Variants in CALN1 observed in about 807,000 individuals in gnomAD.
CALN1 encodes the protein calneuron 1.
Under a neutral mutation model 30.6 loss-of-function variants are expected in CALN1, and 17 were observed. The observed-to-expected ratio is 0.56, with a 90% CI of 0.38 to 0.83. The LOEUF (loss-of-function observed/expected upper bound fraction) is 0.83. CALN1 is among the 40% of genes least tolerant of loss of function. The pLI, the probability that CALN1 is intolerant of heterozygous loss-of-function variation, is 0.00. For synonymous variants in CALN1, 156 were observed against 131.4 expected (o/e 1.19, Z -1.28); for missense variants, 291 against 354.9 (o/e 0.82, Z 1.45).
chr7:72,189,447 T>C (rs372727124), intron 3 of CALN1, among the ~76,000 whole-genome samples: 31 of 152,320 alleles, frequency 2.0e-4, no homozygotes, highest in African/African-American at 6.5e-4. Context: ...GGAATAAGTG[T>C]TGGACATTAT....
intron 3 of CALN1, among the ~76,000 whole-genome samples, chr7:72,150,053 G>A (rs1787104945): frequency 6.6e-6 from 1 of 151,612 alleles, no homozygotes; most frequent in Non-Finnish European, 1.5e-5. Context: ...GAACCCAGGA[G>A]GCAAGAGGTT....
At chr7:72,446,076 C>A (rs1403868857) in intron 1 of CALN1, among the ~76,000 whole-genome samples, 1 of 152,118 alleles carries the variant, frequency 6.6e-6, no homozygotes, top group South Asian at 2.1e-4. Context: ...CCCGGGACCC[C>A]CAGAGATGAC....
intron 4 of CALN1, among the ~76,000 whole-genome samples, chr7:72,083,120 G>C (rs977395716): frequency 2.0e-5 from 3 of 152,106 alleles, no homozygotes; most frequent in African/African-American, 7.2e-5. Context: ...AGAATCGCTT[G>C]AGCCTGGGAG....
At chr7:72,115,285 G>A (rs942226479) in intron 3 of CALN1, among the ~76,000 whole-genome samples, 3 of 146,342 alleles carry the variant, frequency 2.0e-5, no homozygotes, top group African/African-American at 7.5e-5. Flanking sequence ...CTTAGATGGA[G>A]GGGTGGATAC....
chr7:72,197,178 C>CTTTTTGTTTT (rs1791079403), intron 3 of CALN1, among the ~76,000 whole-genome samples: 1 of 64,208 alleles, frequency 1.6e-5, no homozygotes, highest in Admixed American at 2.9e-4. Context: ...GGAAGGTTTG[C>CTTTTTGTTTT]TTTTTTTTTT....
At chr7:72,018,410 T>G (rs1048041363) in intron 5 of CALN1, among the ~76,000 whole-genome samples, 3 of 152,132 alleles carry the variant, frequency 2.0e-5, no homozygotes, top group African/African-American at 7.2e-5. Flanking sequence ...ATCCTAAGGC[T>G]GACTCCATAC....
chr7:71,836,998 G>A (rs988825550), intron 5 of CALN1, among the ~76,000 whole-genome samples: 1 of 151,044 alleles, frequency 6.6e-6, no homozygotes, highest in African/African-American at 2.4e-5. Flanking sequence ...TTGGGAGGCC[G>A]AGGCAGACAA....
intron 5 of CALN1, among the ~76,000 whole-genome samples, chr7:72,013,778 A>G (rs912011694): frequency 6.6e-6 from 1 of 152,072 alleles, no homozygotes; most frequent in Non-Finnish European, 1.5e-5. Context: ...TTCCATCTCT[A>G]TCTTGGCTTT....
intron 1 of CALN1, among the ~76,000 whole-genome samples, chr7:72,419,719 C>A (rs144944082): frequency 1.6e-4 from 25 of 152,268 alleles, no homozygotes; most frequent in Non-Finnish European, 3.4e-4. Context: ...GAGAAAAGAG[C>A]AACACAAGTG....
chr7:71,892,884 C>T (rs115436391), intron 5 of CALN1, among the ~76,000 whole-genome samples: 2,295 of 152,132 alleles, frequency 0.015, 62 homozygotes, highest in African/African-American at 0.053. Context: ...GTGAGAACCA[C>T]GTCATTTTTT....
Position 71,801,444 on chromosome 7 carries a change from C to G in CALN1, c.658+8892G>C, listed in dbSNP as rs1392407071. Among the ~76,000 whole-genome samples, 7 of 151,332 alleles carry G rather than the reference C, an allele frequency of 4.6e-5. No individual in the cohort carries two copies. In the South Asian group the frequency reaches 8.4e-4, roughly 18 times the overall value. ...TGTATGTATGTATCTATCTATCTAT[C>G]TATCTATCTATCTATCTATCTATCT... On this transcript the variant is annotated intron_variant, in intron 6 of 6. Transcript: ENST00000395275.
rs57152715 is a variant in CALN1, at chr7:72,073,879, G to T, written c.388+32272C>A. ...TGGCTAATTTTTTAATTGTTTTCTA[G>T]AAATGAGGTCTTACCATGTTGTCCA... On this transcript the variant is annotated intron_variant, in intron 4 of 6. Transcript: ENST00000395275. Among the ~76,000 whole-genome samples, 1,507 of 152,146 alleles carry T rather than the reference G, an allele frequency of 9.9e-3. 17 individuals carry two copies. Among genetic ancestry groups the T allele is most frequent in the African/African-American group, 0.032 (1,322 of 41,504 alleles).
intron 5 of CALN1, among the ~76,000 whole-genome samples, chr7:71,890,939 G>A (rs879443952): frequency 3.3e-5 from 5 of 151,836 alleles, no homozygotes; most frequent in African/African-American, 1.2e-4. Context: ...TAGAGACAGG[G>A]CTTTGCTATT....
chr7:72,223,110 G>A (rs2129549873), intron 3 of CALN1, among the ~76,000 whole-genome samples: 2 of 152,282 alleles, frequency 1.3e-5, no homozygotes, highest in Admixed American at 1.3e-4. Flanking sequence ...CTGGGACACA[G>A]GCAAGGGAGT....
Position 72,027,726 on chromosome 7 carries a change from AACACACACAC to A in CALN1, c.389-3967_389-3958del, listed in dbSNP as rs111705413. Reference sequence around the variant, plus strand: ...GACCCTGTCTCAAAACAAACAAACAAACACACACACACACACACACACACACACACACAAA... The same window carrying A: ...GACCCTGTCTCAAAACAAACAAACAAACACACACACACACACACACACAAA... On this transcript the variant is annotated intron_variant, in intron 4 of 6. Transcript: ENST00000395275. Among the ~76,000 whole-genome samples, 468 of 143,290 alleles carry A rather than the reference AACACACACAC, an allele frequency of 3.3e-3. 4 individuals are homozygous for A. Among genetic ancestry groups the A allele is most frequent in the African/African-American group, 9.7e-3 (382 of 39,264 alleles). 94.0% of individuals were successfully genotyped at this position (143,290 alleles called of 152,430 possible).
At chr7:72,348,309 G>C (rs1241836353) in intron 2 of CALN1, among the ~76,000 whole-genome samples, 2 of 152,156 alleles carry the variant, frequency 1.3e-5, no homozygotes, top group African/African-American at 4.8e-5. Flanking sequence ...CGTGTGTCCT[G>C]CAACTGCCCA....
intron 6 of CALN1, among the ~76,000 whole-genome samples, chr7:71,790,905 GT>G (rs1183452369): frequency 6.6e-6 from 1 of 152,252 alleles, no homozygotes; most frequent in Admixed American, 6.5e-5. Flanking sequence ...AATCAGGGGT[GT>G]TGAAGAAGAT....
intron 3 of CALN1, among the ~76,000 whole-genome samples, chr7:72,193,047 G>A (rs906749127): frequency 6.6e-6 from 1 of 151,956 alleles, no homozygotes; most frequent in Non-Finnish European, 1.5e-5. Context: ...AATTAGCCGG[G>A]AGTGGTACCA....
rs187011744 is a variant in CALN1, at chr7:72,160,792, C to A, written c.245-54498G>T. Among the ~76,000 whole-genome samples the A allele has an allele frequency of 3.9e-5, 6 of 152,302 alleles. No homozygotes were observed. The East Asian group carries it at 1.2e-3, about 29-fold the overall frequency. ...ATTCTGAGGACTGGGAGGGGCACGC[C>A]GCTGATGGCAAGCCCCTGCATGGAG... On this transcript the variant is annotated intron_variant, in intron 3 of 6. Transcript: ENST00000395275.
Sources: allele counts gnomAD v4.1 joint callset (sites outside exome capture counted in the v4.1 genomes callset), GRCh38; gene constraint gnomAD v4.1.1; transcripts MANE v1.5; gene names NCBI Gene and HGNC (gene_info 2026-07-23, HGNC 2026-07-21).